TRPC5: variants seen among roughly 807,000 people sequenced by gnomAD.
The protein encoded by TRPC5 is short transient receptor potential channel 5.
In TRPC5, 9 loss-of-function variants were observed where a neutral mutation model predicts 56.5. The observed-to-expected ratio is 0.16, with a 90% CI of 0.10 to 0.28. The LOEUF (loss-of-function observed/expected upper bound fraction) is 0.28. TRPC5 is among the 10% of genes least tolerant of loss of function. The pLI is 1.00. For missense variants in TRPC5, 469 were observed against 748.9 expected (o/e 0.63, Z 4.36); for synonymous variants, 282 against 278.5 (o/e 1.01, Z -0.13).
intron 1 of TRPC5, among the ~76,000 whole-genome samples, chrX:111,988,073 C>T (rs1361936572): frequency 1.8e-5 from 2 of 112,496 alleles, no homozygotes; most frequent in Non-Finnish European, 3.8e-5. Context: ...GATATTTTTT[C>T]TGGAGATCTG....
At chrX:111,944,245 C>G (rs1161288026) in intron 2 of TRPC5, among the ~76,000 whole-genome samples, 1 of 88,696 alleles carries the variant, frequency 1.1e-5, no homozygotes, top group Non-Finnish European at 2.1e-5. Context: ...CCTCAGAGGC[C>G]AAGGAGGTGT....
intron 7 of TRPC5, among the ~76,000 whole-genome samples, chrX:111,785,566 C>T (rs1330042159): frequency 8.9e-6 from 1 of 111,905 alleles, no homozygotes; most frequent in African/African-American, 3.2e-5. Flanking sequence ...GAATCACTTT[C>T]ACGAGTTCAC....
chrX:112,035,825 G>A (rs958427616), intron 1 of TRPC5, among the ~76,000 whole-genome samples: 6 of 108,489 alleles, frequency 5.5e-5, no homozygotes, highest in African/African-American at 2.0e-4. Context: ...GAGAGACGGG[G>A]TTTCACCGTA....
chrX:111,913,885 A>G (rs899790061), intron 2 of TRPC5, among the ~76,000 whole-genome samples: 3 of 106,915 alleles, frequency 2.8e-5, no homozygotes, highest in South Asian at 4.5e-4. Flanking sequence ...GCATGAACCC[A>G]GGAGGCAGAG....
At chrX:111,880,087 C>CT (rs1261333523) in intron 3 of TRPC5, among the ~76,000 whole-genome samples, 4,639 of 103,224 alleles carry the variant, frequency 0.045, 240 homozygotes, top group African/African-American at 0.15. Context: ...TTTGTTGCTG[C>CT]TTTTTTTTTT....
chrX:112,007,764 T>C (rs959688491), intron 1 of TRPC5, among the ~76,000 whole-genome samples: 3 of 111,601 alleles, frequency 2.7e-5, no homozygotes, highest in African/African-American at 9.8e-5. Flanking sequence ...TTGCTCTCCA[T>C]CCAGGTCACT....
Position 111,868,407 on chromosome X carries a change from C to A in TRPC5, c.901-14301G>T, listed in dbSNP as rs764846783. On this transcript the variant is annotated intron_variant, in intron 3 of 10. Coordinates refer to ENST00000262839, the MANE Select transcript of TRPC5 (RefSeq NM_012471.3). ...AGCAAGAAAAGCATTAGGATAAAAA[C>A]AAGTCAGTTTCACAGTTAAGTCACC... is the stretch of plus-strand genomic sequence containing the variant. 3.6e-5 allele frequency among the ~76,000 whole-genome samples: 4 copies of A among 112,675 alleles called. No homozygotes were observed. In the East Asian group the frequency reaches 1.1e-3, roughly 31 times the overall value.
intron 2 of TRPC5, among the ~76,000 whole-genome samples, chrX:111,936,915 A>G (rs779180804): frequency 4.9e-5 from 5 of 102,660 alleles, no homozygotes; most frequent in African/African-American, 7.6e-5. Context: ...CTGAGGAATC[A>G]CCACACTGAC....
chrX:111,965,244 T>C (rs1424187487), intron 1 of TRPC5, among the ~76,000 whole-genome samples: 1 of 111,375 alleles, frequency 9.0e-6, no homozygotes, highest in African/African-American at 3.3e-5. Context: ...TACATAATGG[T>C]AAAGAGATCA....
intron 1 of TRPC5, among the ~76,000 whole-genome samples, chrX:112,067,439 A>G (rs1930611368): frequency 8.9e-6 from 1 of 112,473 alleles, no homozygotes; most frequent in Admixed American, 9.4e-5. Flanking sequence ...CTATTTTGCC[A>G]TATTGCTGGA....
intron 1 of TRPC5, among the ~76,000 whole-genome samples, chrX:112,066,359 T>C (rs1303238704): frequency 8.9e-6 from 1 of 111,913 alleles, no homozygotes; most frequent in Non-Finnish European, 1.9e-5. Context: ...GCCCCTGTGT[T>C]AGGCCCTGGG....
intron 5 of TRPC5, 42 bp downstream of exon 5, chrX:111,852,256 C>T: frequency 8.4e-7 from 1 of 1,183,820 alleles, no homozygotes; most frequent in Non-Finnish European, 1.1e-6. Flanking sequence ...TTAATGTAGC[C>T]AAAATCGCTG....
intron 1 of TRPC5, among the ~76,000 whole-genome samples, chrX:112,077,752 G>T (rs146596858): frequency 8.9e-6 from 1 of 112,123 alleles, no homozygotes; most frequent in African/African-American, 3.2e-5. Flanking sequence ...AAATTAGGGT[G>T]GGATTAATGA....
At chrX:112,027,600 C>G (rs1469524966) in intron 1 of TRPC5, among the ~76,000 whole-genome samples, 1 of 111,215 alleles carries the variant, frequency 9.0e-6, no homozygotes, top group African/African-American at 3.3e-5. Flanking sequence ...GGGTTCACGC[C>G]ATTCTCCTGC....
chrX:112,065,588 T>G (rs897373804), intron 1 of TRPC5, among the ~76,000 whole-genome samples: 2 of 112,427 alleles, frequency 1.8e-5, no homozygotes, highest in African/African-American at 6.5e-5. Flanking sequence ...AACTTTGTCC[T>G]ACTTAAAAGT....
chrX:112,053,977 TA>T (rs1930280828), intron 1 of TRPC5, among the ~76,000 whole-genome samples: 1 of 112,384 alleles, frequency 8.9e-6, no homozygotes, highest in Non-Finnish European at 1.9e-5. Flanking sequence ...CAAATCTGAA[TA>T]AAGCAGACAT....
In TRPC5 at chrX:111,781,168, A is replaced by G. The variant is rs1375476920; in HGVS notation, c.2139T>C (p.Tyr713=). 6.6e-6 allele frequency: 8 copies of G among 1,208,414 alleles called. No homozygotes were observed. The highest frequency in any genetic ancestry group is 4.4e-5 in the Admixed American group (2 of 45,728). The change falls in exon 9 of 11, where the codon TAT becomes TAC. Residue 713 remains tyrosine, a synonymous_variant. Transcript: ENST00000262839. ...NADSLIQNQH[Y]QEVIRNLVKR... ...CATCCCTGTGAGGAAGCTTTACCTG[A>G]TAATGTTGATTTTGTATCAGGCTGT...
At chrX:111,859,740 T>C (rs1004150554) in intron 3 of TRPC5, among the ~76,000 whole-genome samples, 3 of 112,238 alleles carry the variant, frequency 2.7e-5, no homozygotes, top group Non-Finnish European at 5.6e-5. Flanking sequence ...GTTCCGTAAG[T>C]CAAGTTTGAT....
At chrX:112,047,718 C>T (rs970125675) in intron 1 of TRPC5, among the ~76,000 whole-genome samples, 1 of 111,980 alleles carries the variant, frequency 8.9e-6, no homozygotes. Flanking sequence ...AGAGAGTGGG[C>T]ATTTCCTGCT....
Sources: gnomAD v4.1 joint callset for allele counts (sites outside exome capture counted in the v4.1 genomes callset) on GRCh38, gnomAD v4.1.1 for gene constraint, MANE v1.5 for transcripts, NCBI Gene and HGNC (gene_info 2026-07-23, HGNC 2026-07-21) for gene names.